The following TAMALIN variants were observed in gnomAD, a reference collection of about 807,000 sequenced individuals.
The protein encoded by TAMALIN is trafficking regulator and scaffold protein tamalin, also known as protein TAMALIN.
In TAMALIN, 9 loss-of-function variants were observed where a neutral mutation model predicts 38.5. That is an observed-to-expected ratio of 0.23 (90% CI 0.14 to 0.41). TAMALIN has a LOEUF of 0.41. Among genes scored for constraint, TAMALIN ranks in the 10% least tolerant of loss-of-function variants. The pLI, the probability that TAMALIN is intolerant of heterozygous loss-of-function variation, is 1.00. For synonymous variants in TAMALIN, 306 were observed against 256.5 expected (o/e 1.19, Z -1.85); for missense variants, 548 against 554.1 (o/e 0.99, Z 0.11).
intron 4 of TAMALIN, 130 bp from the exon 5 acceptor site, chr12:52,013,557 G>A (rs1016720334): frequency 2.8e-6 from 2 of 702,544 alleles, no homozygotes; most frequent in Non-Finnish European, 5.1e-6. Flanking sequence ...ACCATGAGGA[G>A]TTGGAGGAGG....
At position 52,013,733 on chromosome 12, in the gene TAMALIN, G is replaced by A; in HGVS notation, c.501G>A (p.Arg167=). ...ATGGCCTGAATGTGGAAGGCATCCG[G>A]CATCGAGAGATTGTGGACATCATTA... is the stretch of plus-strand genomic sequence containing the variant. ...SVNGLNVEGI[R]HREIVDIIKA... is the part of the protein sequence containing the mutation. The change falls in exon 5 of 8, where the codon CGG becomes CGA. Residue 167 remains arginine (R), a synonymous_variant. Transcript: ENST00000293662. The A allele has an allele frequency of 6.2e-7, 1 of 1,614,174 alleles. No individual in the cohort carries two copies. Among genetic ancestry groups the A allele is most frequent in the Non-Finnish European group, 8.5e-7 (1 of 1,180,024 alleles).
chr12:52,008,028 C>T (rs1279627303), intron 1 of TAMALIN: 2 of 985,322 alleles, frequency 2.0e-6, no homozygotes, highest in South Asian at 9.4e-5. Flanking sequence ...CTCACCCAGC[C>T]GCCCTCCTTC....
At chr12:52,014,627 C>A in intron 7 of TAMALIN, 67 bp from the exon 8 acceptor site, 1 of 1,267,654 alleles carries the variant, frequency 7.9e-7, no homozygotes, top group Non-Finnish European at 1.1e-6. Flanking sequence ...CCATGCCCTC[C>A]GACCCTTTGC....
chr12:52,014,609 C>T (rs1323735093), intron 7 of TAMALIN, 85 bp from the exon 8 acceptor site: 39 of 1,042,684 alleles, frequency 3.7e-5, no homozygotes, highest in African/African-American at 4.8e-5. Flanking sequence ...GGAGCGGGGA[C>T]GCCCCGCCCA....
At position 52,006,965 on chromosome 12, in the gene TAMALIN, C is replaced by T; in HGVS notation, c.-55C>T. 7.6e-7 allele frequency: 1 copy of T among 1,311,368 alleles called. No homozygotes were observed. Among genetic ancestry groups the T allele is most frequent in the Non-Finnish European group, 9.7e-7 (1 of 1,034,124 alleles). The allele number at this position is 1,311,368 out of a possible 1,614,324, so 81.2% of individuals were successfully genotyped here. A position where few individuals can be genotyped will look rare whatever the true frequency, so the allele number is the denominator to read the frequency against. On this transcript the variant is annotated 5_prime_UTR_variant, in exon 1 of 8. Coordinates refer to ENST00000293662, the MANE Select transcript of TAMALIN (RefSeq NM_181711.4). ...CCGGCTGGCATCCCCCAGCCGCCGC[C>T]AGCCCCGCCGAGGGGAGCCAGCGCC... is the stretch of plus-strand genomic sequence containing the variant.
rs1942421412 is a variant in TAMALIN at position 52,006,988 on chromosome 12, G to A, written c.-32G>A. 7.7e-7 allele frequency: 1 copy of A among 1,302,586 alleles called. No homozygotes were observed. The highest frequency in any genetic ancestry group is 9.7e-7 in the Non-Finnish European group (1 of 1,026,548). The allele number at this position is 1,302,586 out of a possible 1,614,324, so 80.7% of individuals were successfully genotyped here. A position where few individuals can be genotyped will look rare whatever the true frequency, so the allele number is the denominator to read the frequency against. ...GCCAGCCCCGCCGAGGGGAGCCAGC[G>A]CCGTCTCTGAGGGGCGTCCGGCGCC... is the stretch of plus-strand genomic sequence containing the variant. On this transcript the variant is annotated 5_prime_UTR_variant, in exon 1 of 8. Transcript: ENST00000293662.
intron 4 of TAMALIN, among the ~76,000 whole-genome samples, chr12:52,012,710 C>G (rs1357669522): frequency 1.3e-5 from 2 of 152,202 alleles, no homozygotes. Context: ...CTCTCCCTCC[C>G]CATCATCCCT....
At chr12:52,014,275 T>A in intron 7 of TAMALIN, 74 bp downstream of exon 7, 1 of 1,274,496 alleles carries the variant, frequency 7.8e-7, no homozygotes, top group Non-Finnish European at 1.1e-6. Flanking sequence ...CCCTCAGAAC[T>A]GGCGGGTTCT....
Position 52,014,194 on chromosome 12 carries a change from G to C in TAMALIN, c.675G>C (p.Leu225=), listed in dbSNP as rs923999271. The C allele has an allele frequency of 1.3e-6, 2 of 1,598,890 alleles. No homozygotes were observed. The highest frequency in any genetic ancestry group is 2.7e-5 in the African/African-American group (2 of 74,674). Residue 225 remains leucine, a synonymous_variant, in exon 7 of 8, where the codon CTG becomes CTC. Coordinates refer to ENST00000293662, the MANE Select transcript of TAMALIN (RefSeq NM_181711.4). ...CCCTAATGGTGCAGGAGCAGCGGCT[G>C]GTGCATGGTGAGTAGATCCCGGGGT... ...YRSLMVQEQR[L]VHGLVVKDPS...
rs750435226 is a variant in TAMALIN at position 52,014,773 on chromosome 12, G to A, written c.762G>A (p.Pro254=). ...GCCTCTACGGCGCGGGCCTGCTCCC[G>A]GGCTCGCTGCCCTTCGGGCCTCTGC... ...RSCLYGAGLL[P]GSLPFGPLLA... is the part of the protein sequence containing the mutation. Residue 254 remains proline, a synonymous_variant, in exon 8 of 8, where the codon CCG becomes CCA. Transcript: ENST00000293662. 1.4e-6 allele frequency: 2 copies of A among 1,477,546 alleles called. No individual in the cohort carries two copies. The highest frequency in any genetic ancestry group is 2.9e-5 in the African/African-American group (2 of 68,296). The allele number at this position is 1,477,546 out of a possible 1,614,324, so 91.5% of individuals were successfully genotyped here.
At chr12:52,014,101 C>T in intron 6 of TAMALIN, 34 bp from the exon 7 acceptor site, 6 of 1,596,646 alleles carry the variant, frequency 3.8e-6, no homozygotes, top group Non-Finnish European at 3.4e-6. Context: ...TTCCTGCTAG[C>T]TTGTGACAGT....
intron 7 of TAMALIN, 49 bp from the exon 8 acceptor site, chr12:52,014,645 A>C (rs1592274365): frequency 7.3e-7 from 1 of 1,378,744 alleles, no homozygotes; most frequent in Non-Finnish European, 9.5e-7. Flanking sequence ...TGCAGAGGCC[A>C]CCACGGTCCA....
At chr12:52,010,638 C>G (rs114544309) in intron 2 of TAMALIN, 3 of 1,091,924 alleles carry the variant, frequency 2.7e-6, no homozygotes, top group East Asian at 3.6e-5. Flanking sequence ...TTCAGGGGAC[C>G]GGCCCTTCTC....
rs78023149 is a variant in TAMALIN at position 52,008,685 on chromosome 12, C to G, written c.247-505C>G. 1.4e-3 allele frequency: 1,412 copies of G among 985,402 alleles called. 11 individuals are homozygous for G. The African/African-American group carries it at 0.022, about 15-fold the overall frequency. 61.0% of individuals were successfully genotyped at this position (985,402 alleles called of 1,614,324 possible). On this transcript the variant is annotated intron_variant, in intron 1 of 7. Transcript: ENST00000293662. ...GGACAGGGTCCCTGACCCCAGCCCTCCCAAGCCACTGTCTGTAGCTGAGAA... is the reference window on the plus strand; with the variant it reads ...GGACAGGGTCCCTGACCCCAGCCCTGCCAAGCCACTGTCTGTAGCTGAGAA...
Position 52,007,089 on chromosome 12 carries a change from C to A in TAMALIN, c.70C>A (p.Arg24=). The change falls in exon 1 of 8, where the codon CGG becomes AGG. Residue 24 remains arginine (R), a synonymous_variant. Transcript: ENST00000293662. The surrounding 1 kb of genome is among the most constrained non-coding windows in gnomAD (Gnocchi z 6.7). ...GGCGGCCACCCCGGACCCCGCCGCC[C>A]GGACTCCCGACTCGGAAGTCGCGCC... The part of the protein sequence containing the change: ...EAAATPDPAA[R]TPDSEVAPAA... 1 of 1,479,398 alleles carries A rather than the reference C, an allele frequency of 6.8e-7. No individual in the cohort carries two copies. 91.6% of individuals were successfully genotyped at this position (1,479,398 alleles called of 1,614,324 possible).
rs1335966301 is a variant in TAMALIN, at chr12:52,007,816, G to T, written c.246+551G>T. 4 of 985,328 alleles carry T rather than the reference G, an allele frequency of 4.1e-6. No homozygotes were observed. In the African/African-American group the frequency reaches 7.0e-5, roughly 17 times the overall value. 61.0% of individuals were successfully genotyped at this position (985,328 alleles called of 1,614,324 possible). On this transcript the variant is annotated intron_variant, in intron 1 of 7. Coordinates refer to ENST00000293662, the MANE Select transcript of TAMALIN (RefSeq NM_181711.4). This position sits in a 1 kb window ranked among gnomAD's most constrained non-coding sequence, Gnocchi z 6.7. The stretch of plus-strand genomic sequence containing the variant: ...CCGCCTGGCCCCACGTCTGACGTAC[G>T]GGGCGCGAGGGCCACTGCTCCCTGG...
intron 2 of TAMALIN, 86 bp downstream of exon 2, chr12:52,009,325 C>T (rs897095595): frequency 3.3e-5 from 43 of 1,314,846 alleles, no homozygotes; most frequent in African/African-American, 4.3e-5. Flanking sequence ...CTCAGCCTAG[C>T]GAGGGTAGTC....
rs567454356 is a variant in TAMALIN at position 52,009,117 on chromosome 12, C to G, written c.247-73C>G. 22 of 1,455,518 alleles carry G rather than the reference C, an allele frequency of 1.5e-5. No homozygotes were observed. In the African/African-American group the frequency reaches 3.1e-4, roughly 20 times the overall value. 90.2% of individuals were successfully genotyped at this position (1,455,518 alleles called of 1,614,324 possible). ...CAGACAGGAAGTGGGTCGCTGTGTCCAGGGTAACCTCTCAGTGTCTGCTCA... is the reference window on the plus strand; with the variant it reads ...CAGACAGGAAGTGGGTCGCTGTGTCGAGGGTAACCTCTCAGTGTCTGCTCA... On this transcript the variant is annotated intron_variant, in intron 1 of 7. Transcript: ENST00000293662.
In TAMALIN at chr12:52,013,862, A is replaced by G. The variant is rs1937720167; in HGVS notation, c.549-15A>G. On this transcript the variant is annotated splice_polypyrimidine_tract_variant and intron_variant, in intron 5 of 7. Coordinates refer to ENST00000293662, the MANE Select transcript of TAMALIN (RefSeq NM_181711.4). ...CAGCCTGTGGCTCACTCAGGCTTTG[A>G]TTCTCCAACCTCAGACTGGAAACTC... 9 of 1,613,784 alleles carry G rather than the reference A, an allele frequency of 5.6e-6. No individual in the cohort carries two copies. The African/African-American group carries it at 1.2e-4, about 22-fold the overall frequency.
Sources: gnomAD v4.1 joint callset for allele counts (sites outside exome capture counted in the v4.1 genomes callset) on GRCh38, gnomAD v4.1.1 for gene constraint, Gnocchi (gnomAD v3.1) non-coding constraint, MANE v1.5 for transcripts, NCBI Gene and HGNC (gene_info 2026-07-23, HGNC 2026-07-21) for gene names.